LRP1B: variants seen among roughly 807,000 people sequenced by gnomAD.
LRP1B encodes the protein LDL receptor related protein 1B.
A neutral mutation model predicts 556.6 loss-of-function variants in LRP1B; 217 were observed. That is an observed-to-expected ratio of 0.39 (90% confidence interval 0.35 to 0.44). The LOEUF is 0.44. LRP1B is among the 20% of genes least tolerant of loss of function. The pLI is 1.00. For synonymous variants in LRP1B, 2,047 were observed against 1,865.8 expected (o/e 1.10, Z -2.50); for missense variants, 5,053 against 5,620.8 (o/e 0.90, Z 3.23).
chr2:141,063,333 T>A (rs977803629), intron 7 of LRP1B, among the ~76,000 whole-genome samples: 1 of 151,868 alleles, frequency 6.6e-6, no homozygotes, highest in Non-Finnish European at 1.5e-5. Context: ...AAACACATTA[T>A]TTAAACTTTA....
At chr2:140,748,379 ATATT>A (rs1688414580) in intron 35 of LRP1B, among the ~76,000 whole-genome samples, 2 of 23,762 alleles carry the variant, frequency 8.4e-5, no homozygotes, top group Non-Finnish European at 1.4e-4. Flanking sequence ...ATATGTATAT[ATATT>A]CATATATTAT....
At chr2:142,058,725 G>A (rs1704780040) in intron 1 of LRP1B, among the ~76,000 whole-genome samples, 1 of 151,844 alleles carries the variant, frequency 6.6e-6, no homozygotes, top group South Asian at 2.1e-4. Context: ...GCACGTACTT[G>A]GTGTTCAGCA....
At chr2:140,334,187 A>G (rs1473159154) in intron 79 of LRP1B, among the ~76,000 whole-genome samples, 1 of 151,996 alleles carries the variant, frequency 6.6e-6, no homozygotes, top group Non-Finnish European at 1.5e-5. Context: ...AACTGTCAAA[A>G]TTTCATGCCT....
At chr2:141,858,899 A>C (rs1014605438) in intron 1 of LRP1B, among the ~76,000 whole-genome samples, 11 of 152,170 alleles carry the variant, frequency 7.2e-5, no homozygotes, top group Non-Finnish European at 1.5e-5. Flanking sequence ...ACAAGACAGT[A>C]GGAGTAGACG....
chr2:140,531,082 A>T (rs576884877), intron 47 of LRP1B, among the ~76,000 whole-genome samples: 4 of 152,136 alleles, frequency 2.6e-5, no homozygotes, highest in Non-Finnish European at 4.4e-5. Context: ...ACCCAAACAC[A>T]CTAATTCATT....
chr2:141,126,489 A>G (rs2105013905), intron 7 of LRP1B, among the ~76,000 whole-genome samples: 1 of 152,260 alleles, frequency 6.6e-6, no homozygotes, highest in East Asian at 1.9e-4. Flanking sequence ...CTCTAAGGAC[A>G]TCTATTATCC....
intron 32 of LRP1B, among the ~76,000 whole-genome samples, chr2:140,797,769 G>A (rs966223958): frequency 6.6e-6 from 1 of 152,042 alleles, no homozygotes; most frequent in African/African-American, 2.4e-5. Context: ...TGTAGAGAGG[G>A]AAATAAGTTC....
intron 1 of LRP1B, among the ~76,000 whole-genome samples, chr2:142,074,834 G>T (rs7590435): frequency 0.059 from 9,042 of 152,092 alleles, 630 homozygotes; most frequent in African/African-American, 0.17. Context: ...CAGTGGTTTA[G>T]GATATTATTA....
intron 38 of LRP1B, 21 bp downstream of exon 38, chr2:140,702,406 C>A (rs1298672759): frequency 5.0e-6 from 8 of 1,612,196 alleles, no homozygotes; most frequent in Non-Finnish European, 3.4e-6. Context: ...ACTTTAAATA[C>A]TGAAAAGAAA....
chr2:140,350,297 C>A (rs934345057), intron 77 of LRP1B, among the ~76,000 whole-genome samples: 2 of 151,940 alleles, frequency 1.3e-5, no homozygotes, highest in African/African-American at 4.8e-5. Context: ...CACAATATTT[C>A]TGTTTTGGAT....
intron 2 of LRP1B, among the ~76,000 whole-genome samples, chr2:141,567,522 T>C (rs1359673592): frequency 6.6e-6 from 1 of 152,128 alleles, no homozygotes; most frequent in Non-Finnish European, 1.5e-5. Flanking sequence ...ACCTATAATT[T>C]ACATTAATTT....
chr2:140,364,647 G>A lies in LRP1B; in HGVS notation c.11131+14C>T, dbSNP rs762454593. The stretch of plus-strand genomic sequence containing the variant: ...AGATAAAAGTATAATCTAGAGCCAC[G>A]TGAAATGCCATACCACACATATCAG... On this transcript the variant is annotated intron_variant, in intron 72 of 90. Transcript: ENST00000389484. 12 of 1,607,820 alleles carry A rather than the reference G, an allele frequency of 7.5e-6. No homozygotes were observed. The highest frequency in any genetic ancestry group is 4.4e-5 in the South Asian group (4 of 90,612).
chr2:141,577,823 T>C (rs1559152619), intron 2 of LRP1B, among the ~76,000 whole-genome samples: 1 of 152,212 alleles, frequency 6.6e-6, no homozygotes, highest in African/African-American at 2.4e-5. Flanking sequence ...ACAAGTTGTT[T>C]CTTAGTCAGT....
At chr2:141,878,435 A>T (rs966936295) in intron 1 of LRP1B, among the ~76,000 whole-genome samples, 18 of 146,994 alleles carry the variant, frequency 1.2e-4, no homozygotes, top group Admixed American at 1.0e-3. Context: ...TGAAATTTGT[A>T]AAAAAAAAAG....
At chr2:140,791,440 A>C (rs1026938211) in intron 32 of LRP1B, among the ~76,000 whole-genome samples, 2 of 152,096 alleles carry the variant, frequency 1.3e-5, no homozygotes, top group African/African-American at 4.8e-5. Context: ...AAAAAAATTA[A>C]AAATTAAATT....
At chr2:142,084,327 CCT>C (rs1705831686) in intron 1 of LRP1B, among the ~76,000 whole-genome samples, 1 of 152,082 alleles carries the variant, frequency 6.6e-6, no homozygotes, top group Non-Finnish European at 1.5e-5. Flanking sequence ...TCCCCTCTAT[CCT>C]CTCTGATCAA....
At chr2:141,000,182 G>T (rs1270474865) in intron 15 of LRP1B, among the ~76,000 whole-genome samples, 2 of 151,886 alleles carry the variant, frequency 1.3e-5, no homozygotes, top group Admixed American at 1.3e-4. Flanking sequence ...GGCTCTCAAA[G>T]TGTTGGGATT....
chr2:140,392,936 T>C (rs866800891), intron 66 of LRP1B, among the ~76,000 whole-genome samples: 1 of 151,682 alleles, frequency 6.6e-6, no homozygotes, highest in Non-Finnish European at 1.5e-5. Flanking sequence ...ATATAACTTT[T>C]TTTTTTTTTC....
chr2:140,782,463 T>G (rs1559115946), intron 32 of LRP1B, among the ~76,000 whole-genome samples: 1 of 152,086 alleles, frequency 6.6e-6, no homozygotes. Flanking sequence ...AAGACCGTCA[T>G]CTACAAATAA....
Sources: gnomAD v4.1 joint callset for allele counts (sites outside exome capture counted in the v4.1 genomes callset) on GRCh38, gnomAD v4.1.1 for gene constraint, MANE v1.5 for transcripts, NCBI Gene and HGNC (gene_info 2026-07-23, HGNC 2026-07-21) for gene names.